NPHS1: variants seen among roughly 807,000 people sequenced by gnomAD.
NPHS1 encodes NPHS1 adhesion molecule, nephrin.
In NPHS1, 107 loss-of-function variants were observed where a neutral mutation model predicts 139.7. The ratio of observed to expected loss-of-function variants is 0.77; its 90% CI spans 0.66 to 0.90. The LOEUF (loss-of-function observed/expected upper bound fraction) is 0.90. Ranked by LOEUF, NPHS1 falls within the 40% of genes least tolerant of loss-of-function variation. The pLI, the probability that NPHS1 is intolerant of heterozygous loss-of-function variation, is 0.00. For synonymous variants in NPHS1, 707 were observed against 706.6 expected (o/e 1.00, Z -0.01); for missense variants, 1,580 against 1,654.2 (o/e 0.96, Z 0.78).
intron 9 of NPHS1, 58 bp downstream of exon 9, chr19:35,848,579 C>T (rs1364318274): frequency 1.0e-5 from 16 of 1,604,856 alleles, no homozygotes; most frequent in Admixed American, 6.8e-5. Context: ...TCCCTATCCA[C>T]GAGTCATGCC....
intron 22 of NPHS1, among the ~76,000 whole-genome samples, 163 bp from the exon 23 acceptor site, chr19:35,835,924 A>G (rs1159378047): frequency 6.7e-6 from 1 of 150,286 alleles, no homozygotes; most frequent in Non-Finnish European, 1.5e-5. Flanking sequence ...TAATGACAAT[A>G]CTATTAATAG....
At chr19:35,828,087 C>A (rs910151790) in intron 28 of NPHS1, among the ~76,000 whole-genome samples, 5 of 151,938 alleles carry the variant, frequency 3.3e-5, no homozygotes, top group Non-Finnish European at 7.4e-5. Context: ...CAAACAACAA[C>A]AACAAAAAGA....
rs1451123164 is a variant in NPHS1, at chr19:35,845,583, G to A, written c.1758-43C>T. 1.9e-6 allele frequency: 3 copies of A among 1,608,322 alleles called. No homozygotes were observed. The highest frequency in any genetic ancestry group is 2.2e-5 in the East Asian group (1 of 44,642). On this transcript the variant is annotated intron_variant, in intron 13 of 28. Transcript: ENST00000378910. The surrounding 1 kb of genome is among the most constrained non-coding windows in gnomAD (Gnocchi z 5.5). The stretch of plus-strand genomic sequence containing the variant: ...AGCCAGGGCTGCGAGCGGAGCCAGA[G>A]GCTGGAGAGGCACTAGGCGGGGGCG...
chr19:35,845,528 C>G lies in NPHS1; in HGVS notation c.1770G>C (p.Val590=). 6.2e-7 allele frequency: 1 copy of G among 1,601,430 alleles called. No individual in the cohort carries two copies. The highest frequency in any genetic ancestry group is 8.5e-7 in the Non-Finnish European group (1 of 1,175,292). Residue 590 remains valine (V), a synonymous_variant, in exon 14 of 29, where the codon GTG becomes GTC. Coordinates refer to ENST00000378910, the MANE Select transcript of NPHS1 (RefSeq NM_004646.4). The surrounding 1 kb of genome is among the most constrained non-coding windows in gnomAD (Gnocchi z 5.5). Reference sequence around the variant, plus strand: ...ATGGGGCTCTCCGGGGTGGGGCGGCCACGCCCTCCAGCCTGTGGAACCGGG... The same window carrying G: ...ATGGGGCTCTCCGGGGTGGGGCGGCGACGCCCTCCAGCCTGTGGAACCGGG... ...WDKEGERLEG[V]AAPPRRAPFK...
Position 35,845,856 on chromosome 19 carries a change from C to T in NPHS1, c.1628-58G>A. The T allele has an allele frequency of 6.3e-7, 1 of 1,585,556 alleles. No homozygotes were observed. Among genetic ancestry groups the T allele is most frequent in the Non-Finnish European group, 8.6e-7 (1 of 1,162,932 alleles). Reference sequence around the variant, plus strand: ...AGGTTAGGGGCGGCCTGGTCTGCGTCCACCCCGCCTGCACCCCAGGCTCCG... The same window carrying T: ...AGGTTAGGGGCGGCCTGGTCTGCGTTCACCCCGCCTGCACCCCAGGCTCCG... On this transcript the variant is annotated intron_variant, in intron 12 of 28. Coordinates refer to ENST00000378910, the MANE Select transcript of NPHS1 (RefSeq NM_004646.4). This position sits in a 1 kb window ranked among gnomAD's most constrained non-coding sequence, Gnocchi z 5.5.
chr19:35,833,302 G>A lies in NPHS1; in HGVS notation c.3167-1540C>T, dbSNP rs561988188. On this transcript the variant is annotated intron_variant, in intron 23 of 28. Coordinates refer to ENST00000378910, the MANE Select transcript of NPHS1 (RefSeq NM_004646.4). ...CCCTCTAAGTAGGCATCTGTTGGGC[G>A]GGCAATCTCCCCTGTCTTCTACTAA... Among the ~76,000 whole-genome samples the A allele has an allele frequency of 1.1e-3, 175 of 152,194 alleles. 1 individual carries two copies. Among genetic ancestry groups the A allele is most frequent in the East Asian group, 3.9e-4 (2 of 5,178 alleles).
At chr19:35,835,550 C>G (rs971261476) in intron 23 of NPHS1, among the ~76,000 whole-genome samples, 155 bp downstream of exon 23, 1 of 152,048 alleles carries the variant, frequency 6.6e-6, no homozygotes, top group African/African-American at 2.4e-5. Context: ...CATGCCTTGG[C>G]CTCCCAAAGT....
rs557105895 is a variant in NPHS1, at chr19:35,851,442, G to A, written c.274+15C>T. 4 of 1,613,110 alleles carry A rather than the reference G, an allele frequency of 2.5e-6. No individual in the cohort carries two copies. The highest frequency in any genetic ancestry group is 1.3e-5 in the African/African-American group (1 of 75,052). On this transcript the variant is annotated intron_variant, in intron 2 of 28. Transcript: ENST00000378910. Reference sequence around the variant, plus strand: ...TTCCGCTGGTGGCTGAGGGTCTCAGGCTCTGATCCCTTACCTCTAGCAGGG... The same window carrying A: ...TTCCGCTGGTGGCTGAGGGTCTCAGACTCTGATCCCTTACCTCTAGCAGGG...
At chr19:35,834,269 C>A (rs936658717) in intron 23 of NPHS1, among the ~76,000 whole-genome samples, 2 of 152,056 alleles carry the variant, frequency 1.3e-5, no homozygotes, top group Non-Finnish European at 2.9e-5. Context: ...AGAAGAGACA[C>A]GCGCCCAGTT....
At chr19:35,844,282 C>T in intron 15 of NPHS1, 37 bp downstream of exon 15, 3 of 1,613,866 alleles carry the variant, frequency 1.9e-6, no homozygotes, top group Non-Finnish European at 2.5e-6. Flanking sequence ...CAGGACCTCC[C>T]ATCCCCGGGA....
In NPHS1 at chr19:35,825,795, T is replaced by C. The variant is rs1192254715; in HGVS notation, c.*719A>G. ...ATAAAATAATAGGTAGGATGCAACA[T>C]GGATTCATAAATTCCACTTATTATT... is the stretch of plus-strand genomic sequence containing the variant. On this transcript the variant is annotated 3_prime_UTR_variant, in exon 29 of 29. Coordinates refer to ENST00000378910, the MANE Select transcript of NPHS1 (RefSeq NM_004646.4). Among the ~76,000 whole-genome samples, 1 of 152,208 alleles carries C rather than the reference T, an allele frequency of 6.6e-6. No homozygotes were observed. The highest frequency in any genetic ancestry group is 1.5e-5 in the Non-Finnish European group (1 of 68,034).
At chr19:35,827,336 G>A (rs1004400865) in intron 28 of NPHS1, among the ~76,000 whole-genome samples, 6 of 151,914 alleles carry the variant, frequency 3.9e-5, no homozygotes, top group South Asian at 2.1e-4. Flanking sequence ...GGTGGTGAGC[G>A]CCTATAGTCC....
Position 35,845,718 on chromosome 19 carries a change from C to A in NPHS1, c.1708G>T (p.Val570Phe). The change falls in exon 13 of 29, where the codon GTC becomes TTC. Residue 570 changes from valine (V) to phenylalanine (F), a missense_variant. Transcript: ENST00000378910. This position sits in a 1 kb window ranked among gnomAD's most constrained non-coding sequence, Gnocchi z 5.5. Reference protein sequence around the residue: ...GDALNLTCVSVSSNPPVNLSW... With the variant: ...GDALNLTCVSFSSNPPVNLSW... The stretch of plus-strand genomic sequence containing the variant: ...AAGTTGACCGGCGGATTGCTGCTGA[C>A]GCTGACGCATGTCAAGTTTAAGGCG... 6.2e-7 allele frequency: 1 copy of A among 1,614,096 alleles called. No individual in the cohort carries two copies. Among genetic ancestry groups the A allele is most frequent in the Non-Finnish European group, 8.5e-7 (1 of 1,179,968 alleles).
Position 35,842,402 on chromosome 19 carries a change from C to T in NPHS1, c.2483G>A (p.Arg828Gln), listed in dbSNP as rs749961697. Reference sequence around the variant, plus strand: ...ACATCTGACAACAAGACGGAGCAGCCGTCGTGCTGGAGGCGCCACCCCATT... The same window carrying T: ...ACATCTGACAACAAGACGGAGCAGCTGTCGTGCTGGAGGCGCCACCCCATT... ...VDNGVAPPAR[R>Q]LLRLVVRFAP... Residue 828 changes from arginine (R) to glutamine (Q), a missense_variant, in exon 18 of 29, where the codon CGG (arginine) becomes CAG (glutamine). Transcript: ENST00000378910. The T allele has an allele frequency of 2.4e-5, 39 of 1,613,946 alleles. 1 individual carries two copies. In the South Asian group the frequency reaches 2.9e-4, roughly 12 times the overall value.
chr19:35,829,890 T>A (rs554067060), intron 28 of NPHS1, among the ~76,000 whole-genome samples: 110 of 151,992 alleles, frequency 7.2e-4, no homozygotes, highest in African/African-American at 2.5e-3. Flanking sequence ...CAGGCTGGTC[T>A]CCAATACCTG....
intron 22 of NPHS1, among the ~76,000 whole-genome samples, chr19:35,836,909 T>C (rs1421300547): frequency 1.3e-5 from 2 of 151,120 alleles, no homozygotes; most frequent in Non-Finnish European, 1.5e-5. Context: ...GGCAGGAGAA[T>C]TGCTTGAACC....
Position 35,848,421 on chromosome 19 carries a change from G to A in NPHS1, c.1171-24C>T, listed in dbSNP as rs1255275878. On this transcript the variant is annotated intron_variant, in intron 9 of 28. Transcript: ENST00000378910. ...CCCTGGCAGGGAGTGAGCTTCAGAC[G>A]TGGGGACTGCAGCACCCCTATCCAT... 3.1e-6 allele frequency: 5 copies of A among 1,613,992 alleles called. No individual in the cohort carries two copies. In the African/African-American group the frequency reaches 4.0e-5, roughly 13 times the overall value.
intron 28 of NPHS1, among the ~76,000 whole-genome samples, chr19:35,828,931 T>A (rs752913053): frequency 1.3e-5 from 2 of 150,970 alleles, no homozygotes; most frequent in African/African-American, 2.4e-5. Flanking sequence ...TCGGAGGTCG[T>A]TCACAGAGAC....
Position 35,845,599 on chromosome 19 carries a change from G to C in NPHS1, c.1758-59C>G, listed in dbSNP as rs2146823522. ...GGAGCCAGAGGCTGGAGAGGCACTA[G>C]GCGGGGGCGGGACATGCGTGGAGGG... is the stretch of plus-strand genomic sequence containing the variant. On this transcript the variant is annotated intron_variant, in intron 13 of 28. Transcript: ENST00000378910. This position sits in a 1 kb window ranked among gnomAD's most constrained non-coding sequence, Gnocchi z 5.5. 1.2e-6 allele frequency: 2 copies of C among 1,605,836 alleles called. No individual in the cohort carries two copies. The highest frequency in any genetic ancestry group is 1.7e-5 in the Admixed American group (1 of 58,968).
Sources: allele counts gnomAD v4.1 joint callset (sites outside exome capture counted in the v4.1 genomes callset), GRCh38; gene constraint gnomAD v4.1.1; non-coding constraint Gnocchi (gnomAD v3.1); transcripts MANE v1.5; gene names NCBI Gene and HGNC (gene_info 2026-07-23, HGNC 2026-07-21).